The following BCAS3 variants were observed in gnomAD, a reference collection of about 807,000 sequenced individuals.
BCAS3 encodes BCAS4/BCAS3 fusion.
A neutral mutation model predicts 116.1 loss-of-function variants in BCAS3; 53 were observed. The observed-to-expected ratio is 0.46, with a 90% CI of 0.37 to 0.57. The LOEUF is 0.57. Among genes scored for constraint, BCAS3 ranks in the 20% least tolerant of loss-of-function variants. The pLI, the probability that BCAS3 is intolerant of heterozygous loss-of-function variation, is 0.00. For synonymous variants in BCAS3, 391 were observed against 408.2 expected (o/e 0.96, Z 0.51); for missense variants, 917 against 1,165.4 (o/e 0.79, Z 3.10).
At chr17:61,267,888 G>A (rs1375644723) in intron 22 of BCAS3, among the ~76,000 whole-genome samples, 1 of 151,958 alleles carries the variant, frequency 6.6e-6, no homozygotes, top group African/African-American at 2.4e-5. Flanking sequence ...CTCCACGTCC[G>A]AGAACCTGTC....
At chr17:61,305,833 A>T (rs4513160) in intron 22 of BCAS3, among the ~76,000 whole-genome samples, 151,833 of 152,266 alleles carry the variant, frequency 1, 75,702 homozygotes, top group Middle Eastern at 1. Flanking sequence ...TAGGTGGAGG[A>T]TGCAGTGAGC....
intron 22 of BCAS3, among the ~76,000 whole-genome samples, chr17:61,133,808 T>C (rs1005031460): frequency 5.9e-5 from 8 of 135,532 alleles, no homozygotes; most frequent in African/African-American, 2.2e-4. Context: ...AGCAAATGAA[T>C]TGGAAGGGTG....
intron 22 of BCAS3, among the ~76,000 whole-genome samples, chr17:61,308,052 ACCTCCTAAAAAGGGACCTGGG>A (rs1271383299): frequency 2.0e-5 from 3 of 152,136 alleles, no homozygotes; most frequent in African/African-American, 4.8e-5. Flanking sequence ...CTATATGTGG[ACCTCCTAAAAAGGGACCTGGG>A]AATTCGGGTC....
At chr17:60,807,743 C>T (rs569269070) in intron 6 of BCAS3, among the ~76,000 whole-genome samples, 38 of 149,908 alleles carry the variant, frequency 2.5e-4, no homozygotes, top group Non-Finnish European at 3.2e-4. Flanking sequence ...GATCGTGCCA[C>T]TGCACTCCAG....
chr17:61,373,735 G>GCCCCCA (rs1379515693), intron 23 of BCAS3, among the ~76,000 whole-genome samples: 1 of 34,268 alleles, frequency 2.9e-5, no homozygotes, highest in African/African-American at 5.0e-5. Context: ...CCCAGCCCCT[G>GCCCCCA]TTTAAAGTAT....
chr17:61,268,180 A>G (rs903459654), intron 22 of BCAS3, among the ~76,000 whole-genome samples: 1 of 152,114 alleles, frequency 6.6e-6, no homozygotes, highest in Non-Finnish European at 1.5e-5. Context: ...AGTATTTTCT[A>G]TTAGCTAAGG....
intron 6 of BCAS3, among the ~76,000 whole-genome samples, chr17:60,768,109 G>A (rs8082536): frequency 0.044 from 6,762 of 152,268 alleles, 481 homozygotes; most frequent in African/African-American, 0.15. Flanking sequence ...TGTGGGTAGG[G>A]TGCTTTGACT....
At chr17:60,954,921 G>A (rs1268089752) in intron 14 of BCAS3, among the ~76,000 whole-genome samples, 1 of 151,906 alleles carries the variant, frequency 6.6e-6, no homozygotes, top group Non-Finnish European at 1.5e-5. Flanking sequence ...ATTGGATCAT[G>A]ATTTATATTT....
chr17:61,218,446 T>C (rs889096815), intron 22 of BCAS3, among the ~76,000 whole-genome samples: 14 of 152,350 alleles, frequency 9.2e-5, no homozygotes, highest in South Asian at 6.2e-4. Flanking sequence ...TTAAATTTCA[T>C]GTTCCTAGAG....
chr17:61,320,607 C>T (rs1258846910), intron 22 of BCAS3, among the ~76,000 whole-genome samples: 3 of 150,794 alleles, frequency 2.0e-5, no homozygotes, highest in South Asian at 4.2e-4. Context: ...ACCCGGGAGG[C>T]GGAGCTTGCA....
chr17:60,847,466 C>CAA (rs1227859185), intron 7 of BCAS3, among the ~76,000 whole-genome samples: 1 of 152,152 alleles, frequency 6.6e-6, no homozygotes, highest in Non-Finnish European at 1.5e-5. Context: ...ACCAGAGTTC[C>CAA]AATTTCTTCA....
intron 22 of BCAS3, among the ~76,000 whole-genome samples, chr17:61,236,294 A>G (rs979064477): frequency 2.5e-4 from 38 of 152,162 alleles, no homozygotes; most frequent in Admixed American, 1.4e-3. Context: ...TGTTGGAGAT[A>G]ATAATTTTTA....
rs2047557767 is a variant in BCAS3 at position 61,241,944 on chromosome 17, A to AAC, written c.2426-126383_2426-126382insAC. 6.6e-6 allele frequency among the ~76,000 whole-genome samples: 1 copy of AAC among 152,158 alleles called. No homozygotes were observed. The highest frequency in any genetic ancestry group is 6.5e-5 in the Admixed American group (1 of 15,270). On this transcript the variant is annotated intron_variant, in intron 22 of 23. Transcript: ENST00000407086. The surrounding 1 kb of genome is among the most constrained non-coding windows in gnomAD (Gnocchi z 4.6). ...GGAATCATTTCTCAGTGTTAAGTAT[A>AAC]TCTGGGACCAGAAATGGCTCTTGTT... is the stretch of plus-strand genomic sequence containing the variant.
chr17:61,341,533 T>A (rs2057149796), intron 22 of BCAS3, among the ~76,000 whole-genome samples: 1 of 152,162 alleles, frequency 6.6e-6, no homozygotes, highest in Non-Finnish European at 1.5e-5. Context: ...GGAACACTGG[T>A]GCAGTGGCAC....
chr17:61,024,057 C>G (rs370482194), intron 16 of BCAS3, among the ~76,000 whole-genome samples: 1 of 152,054 alleles, frequency 6.6e-6, no homozygotes, highest in Non-Finnish European at 1.5e-5. Flanking sequence ...CACTTTAATA[C>G]GAAACTATAG....
intron 7 of BCAS3, 69 bp downstream of exon 7, chr17:60,808,145 G>T (rs909321622): frequency 9.1e-7 from 1 of 1,101,234 alleles, no homozygotes; most frequent in African/African-American, 1.6e-5. Flanking sequence ...GGAGAACTTT[G>T]ATGTTATAAA....
At chr17:61,328,050 G>A (rs1476916662) in intron 22 of BCAS3, among the ~76,000 whole-genome samples, 1 of 151,940 alleles carries the variant, frequency 6.6e-6, no homozygotes, top group Non-Finnish European at 1.5e-5. Context: ...ATAGACAAAA[G>A]CACTGTTGTA....
chr17:61,392,365 C>A lies in BCAS3; in HGVS notation c.*240C>A, dbSNP rs2060176280. 1 of 459,046 alleles carries A rather than the reference C, an allele frequency of 2.2e-6. No individual in the cohort carries two copies. Among genetic ancestry groups the A allele is most frequent in the Admixed American group, 4.0e-5 (1 of 25,056 alleles). The allele number at this position is 459,046 out of a possible 1,614,324, so 28.4% of individuals were successfully genotyped here. ...CTGTGGCCAGGAGAGACTGTAGAAG[C>A]TCGGTCCCTGTGTATGTTTGCATAT... On this transcript the variant is annotated 3_prime_UTR_variant, in exon 24 of 24. Transcript: ENST00000407086. The surrounding 1 kb of genome is among the most constrained non-coding windows in gnomAD (Gnocchi z 6.4).
At chr17:60,731,275 A>G (rs1400340766) in intron 5 of BCAS3, among the ~76,000 whole-genome samples, 4 of 152,186 alleles carry the variant, frequency 2.6e-5, no homozygotes, top group Non-Finnish European at 4.4e-5. Context: ...GTGCAGTGGC[A>G]TAATCTTGGC....
Sources: gnomAD v4.1 joint callset for allele counts (sites outside exome capture counted in the v4.1 genomes callset) on GRCh38, gnomAD v4.1.1 for gene constraint, Gnocchi (gnomAD v3.1) non-coding constraint, MANE v1.5 for transcripts, NCBI Gene and HGNC (gene_info 2026-07-23, HGNC 2026-07-21) for gene names.